SLC24A2: variants seen among roughly 807,000 people sequenced by gnomAD.
SLC24A2 encodes sodium/potassium/calcium exchanger 2.
A neutral mutation model predicts 62.0 loss-of-function variants in SLC24A2; 36 were observed. The observed-to-expected ratio is 0.58, with a 90% CI of 0.44 to 0.77. The LOEUF (loss-of-function observed/expected upper bound fraction) is 0.77, where lower values mean the gene tolerates loss of function less well. Among genes scored for constraint, SLC24A2 ranks in the 30% least tolerant of loss-of-function variants. The pLI is 0.00. For synonymous variants in SLC24A2, 358 were observed against 294.0 expected, an observed-to-expected ratio of 1.22 and a Z score of -2.23; for missense variants, 846 against 817.9, an observed-to-expected ratio of 1.03 and a Z score of -0.42.
At chr9:20,164,128 A>C in the SLC24A2 span, among the ~76,000 whole-genome samples, 50 of 152,336 alleles carry the variant, frequency 3.3e-4, no homozygotes, top group African/African-American at 1.1e-3. Context: ...CAAAATGGAC[A>C]AATGGGATCT....
intron 2 of SLC24A2, among the ~76,000 whole-genome samples, chr9:19,633,444 T>A (rs763745342): frequency 3.9e-5 from 6 of 152,240 alleles, no homozygotes; most frequent in Non-Finnish European, 7.3e-5. Context: ...TGTTTCTGCT[T>A]TCTAGTAGCA....
At chr9:19,910,233 C>G in the SLC24A2 span, among the ~76,000 whole-genome samples, 1 of 152,058 alleles carries the variant, frequency 6.6e-6, no homozygotes, top group East Asian at 1.9e-4. Context: ...AGCCAAAAAC[C>G]TAGGAGCTCA....
At chr9:20,082,386 G>C in the SLC24A2 span, among the ~76,000 whole-genome samples, 1 of 152,190 alleles carries the variant, frequency 6.6e-6, no homozygotes, top group Non-Finnish European at 1.5e-5. Context: ...GTTTTGGAAG[G>C]ATCCACATGA....
chr9:19,737,900 T>A (rs1025045548), intron 2 of SLC24A2, among the ~76,000 whole-genome samples: 2 of 152,138 alleles, frequency 1.3e-5, no homozygotes, highest in African/African-American at 4.8e-5. Flanking sequence ...AGAATCACCA[T>A]GAAGCTTCAC....
At chr9:19,602,134 T>G (rs1040679936) in intron 4 of SLC24A2, among the ~76,000 whole-genome samples, 29 of 152,326 alleles carry the variant, frequency 1.9e-4, no homozygotes, top group African/African-American at 6.3e-4. Context: ...TTATTACCAG[T>G]GTGACTTTGT....
At chr9:19,538,899 T>A (rs1329240731) in intron 8 of SLC24A2, among the ~76,000 whole-genome samples, 1 of 129,314 alleles carries the variant, frequency 7.7e-6, no homozygotes, top group Non-Finnish European at 1.6e-5. Context: ...ATTGGTCTAT[T>A]CAGAGATTCA....
chr9:20,228,173 T>C, the SLC24A2 span, among the ~76,000 whole-genome samples: 44 of 152,302 alleles, frequency 2.9e-4, no homozygotes, highest in African/African-American at 1.0e-3. Flanking sequence ...TAGAGCTTTT[T>C]TGTCACAGGA....
At chr9:19,558,498 T>C (rs1325586739) in intron 7 of SLC24A2, among the ~76,000 whole-genome samples, 1 of 152,200 alleles carries the variant, frequency 6.6e-6, no homozygotes, top group South Asian at 2.1e-4. Flanking sequence ...GTGCACTTCA[T>C]TGCTGATGGC....
the SLC24A2 span, among the ~76,000 whole-genome samples, chr9:20,130,509 C>T: frequency 2.0e-5 from 3 of 151,256 alleles, no homozygotes. Flanking sequence ...GAACCTAAGG[C>T]AGGAAAGGCT....
At chr9:20,128,394 T>C in the SLC24A2 span, among the ~76,000 whole-genome samples, 11 of 152,100 alleles carry the variant, frequency 7.2e-5, no homozygotes, top group Admixed American at 7.2e-4. Flanking sequence ...TTCAAGTAAA[T>C]AGAGACTATA....
intron 7 of SLC24A2, among the ~76,000 whole-genome samples, chr9:19,564,022 T>C (rs1001329816): frequency 6.6e-6 from 1 of 151,642 alleles, no homozygotes; most frequent in African/African-American, 2.4e-5. Context: ...CCCTGCTAAT[T>C]TTTTGTATTT....
the SLC24A2 span, among the ~76,000 whole-genome samples, chr9:19,991,989 G>C: frequency 2.6e-5 from 4 of 152,168 alleles, no homozygotes; most frequent in Admixed American, 2.6e-4. Context: ...AGTCACCCAA[G>C]TTTTTAGACT....
chr9:19,538,620 G>T, intron 8 of SLC24A2, among the ~76,000 whole-genome samples: 1 of 84,174 alleles, frequency 1.2e-5, no homozygotes, highest in Non-Finnish European at 2.3e-5. Flanking sequence ...ATTTTATTGA[G>T]GATTTTTGCA....
At chr9:20,295,198 C>T in the SLC24A2 span, among the ~76,000 whole-genome samples, 7 of 152,014 alleles carry the variant, frequency 4.6e-5, no homozygotes, top group Non-Finnish European at 7.4e-5. Context: ...TCTAAAATCC[C>T]TAATCTCTAA....
the SLC24A2 span, among the ~76,000 whole-genome samples, chr9:20,295,053 T>TATATATAC: frequency 1.2e-3 from 180 of 144,418 alleles, no homozygotes; most frequent in African/African-American, 4.5e-3. Context: ...TATATATATA[T>TATATATAC]ACACACACAC....
At chr9:19,717,468 A>G (rs184981691) in intron 2 of SLC24A2, among the ~76,000 whole-genome samples, 4 of 152,324 alleles carry the variant, frequency 2.6e-5, no homozygotes, top group Non-Finnish European at 4.4e-5. Context: ...TAATTTTTAA[A>G]TAATCAGGAT....
intron 2 of SLC24A2, among the ~76,000 whole-genome samples, chr9:19,659,709 C>T (rs1443152722): frequency 6.6e-6 from 1 of 152,054 alleles, no homozygotes; most frequent in Non-Finnish European, 1.5e-5. Context: ...ATTTTCAGAC[C>T]AGGTGGGTCT....
intron 2 of SLC24A2, among the ~76,000 whole-genome samples, chr9:19,771,817 A>AT (rs1251067278): frequency 2.0e-5 from 3 of 152,236 alleles, no homozygotes; most frequent in African/African-American, 7.2e-5. Flanking sequence ...TGCTATTGTT[A>AT]TTTTTTACCG....
At chr9:20,110,774 A>C in the SLC24A2 span, among the ~76,000 whole-genome samples, 1 of 152,244 alleles carries the variant, frequency 6.6e-6, no homozygotes, top group Non-Finnish European at 1.5e-5. Flanking sequence ...TTGAAAAATT[A>C]TAGTTTCATA....
Sources: allele counts gnomAD v4.1 joint callset (sites outside exome capture counted in the v4.1 genomes callset), GRCh38; gene constraint gnomAD v4.1.1; transcripts MANE v1.5; gene names NCBI Gene and HGNC (gene_info 2026-07-23, HGNC 2026-07-21).